STAU2: variants seen among roughly 807,000 people sequenced by gnomAD.
STAU2 encodes double-stranded RNA-binding protein Staufen homolog 2.
Under a neutral mutation model 65.9 loss-of-function variants are expected in STAU2, and 20 were observed. That is an observed-to-expected ratio of 0.30 (90% confidence interval 0.21 to 0.44). The LOEUF is 0.44. Among genes scored for constraint, STAU2 ranks in the 20% least tolerant of loss-of-function variants. The pLI is 1.00. For missense variants in STAU2, 558 were observed against 683.9 expected, an observed-to-expected ratio of 0.82 and a Z score of 2.05; for synonymous variants, 232 against 233.9, an observed-to-expected ratio of 0.99 and a Z score of 0.07.
chr8:73,648,566 T>C (rs1266233408), intron 6 of STAU2, among the ~76,000 whole-genome samples: 1 of 152,232 alleles, frequency 6.6e-6, no homozygotes, highest in Admixed American at 6.5e-5. Context: ...CTTATCTCCC[T>C]GAAGGTAACA....
rs532340497 is a variant in STAU2, at chr8:73,693,104, T to A, written c.115-4291A>T. Among the ~76,000 whole-genome samples the A allele has an allele frequency of 4.1e-4, 63 of 152,054 alleles. No individual in the cohort carries two copies. In the South Asian group the frequency reaches 7.1e-3, roughly 17 times the overall value. ...TGAGCCCAGGAGATGAACGCTGCAG[T>A]GAGCTATGACTGCACAACTGCACTC... On this transcript the variant is annotated intron_variant, in intron 4 of 14. Coordinates refer to ENST00000524300, the MANE Select transcript of STAU2 (RefSeq NM_001164380.2).
chr8:73,559,654 G>C (rs918923304), intron 12 of STAU2, among the ~76,000 whole-genome samples: 1 of 152,188 alleles, frequency 6.6e-6, no homozygotes, highest in Non-Finnish European at 1.5e-5. Flanking sequence ...CTGAAGGTCA[G>C]GGACAGGTGG....
rs73322826 is a variant in STAU2 at position 73,490,928 on chromosome 8, G to A, written c.1530+61084C>T. ...AAACATCCACTTCTGTTTTAAAGTC[G>A]TAAGTTCTTACATATTCAAAGTATG... is the stretch of plus-strand genomic sequence containing the variant. On this transcript the variant is annotated intron_variant, in intron 13 of 14. Transcript: ENST00000524300. Among the ~76,000 whole-genome samples the A allele has an allele frequency of 9.4e-3, 1,426 of 152,010 alleles. 23 individuals carry two copies. Among genetic ancestry groups the A allele is most frequent in the African/African-American group, 0.033 (1,353 of 41,508 alleles).
intron 6 of STAU2, among the ~76,000 whole-genome samples, chr8:73,665,591 C>T (rs866743177): frequency 6.6e-6 from 1 of 152,234 alleles, no homozygotes; most frequent in Middle Eastern, 3.4e-3. Context: ...AATTTAATGG[C>T]CTTGGAATAG....
intron 3 of STAU2, among the ~76,000 whole-genome samples, chr8:73,724,176 T>A (rs1324699167): frequency 2.0e-5 from 3 of 152,158 alleles, no homozygotes; most frequent in Non-Finnish European, 4.4e-5. Context: ...CTCTCAAGAA[T>A]CACTTGATTC....
At chr8:73,587,149 G>C (rs775639084) in intron 11 of STAU2, among the ~76,000 whole-genome samples, 3 of 152,116 alleles carry the variant, frequency 2.0e-5, no homozygotes, top group Non-Finnish European at 4.4e-5. Flanking sequence ...TAACAGCAAT[G>C]CTGGGAGGTA....
intron 12 of STAU2, among the ~76,000 whole-genome samples, chr8:73,558,148 A>G (rs1448106357): frequency 1.3e-5 from 2 of 152,218 alleles, no homozygotes; most frequent in Non-Finnish European, 2.9e-5. Flanking sequence ...TCCTAAAAGA[A>G]CAGGTAGGAA....
chr8:73,603,987 G>A lies in STAU2; in HGVS notation c.892-124C>T, dbSNP rs1811829663. ...AAAACTGTGACTAGAAAAGATAAAT[G>A]AGTCATTTATGAATATTTATAAAGG... On this transcript the variant is annotated intron_variant, in intron 9 of 14. Transcript: ENST00000524300. 7.9e-5 allele frequency: 83 copies of A among 1,049,402 alleles called. No homozygotes were observed. In the South Asian group the frequency reaches 1.6e-3, roughly 21 times the overall value. The allele number at this position is 1,049,402 out of a possible 1,614,324, so 65.0% of individuals were successfully genotyped here.
intron 6 of STAU2, chr8:73,651,502 C>T (rs947110725): frequency 4.7e-5 from 34 of 720,598 alleles, no homozygotes; most frequent in Middle Eastern, 3.9e-4. Flanking sequence ...AGTCACTGCA[C>T]GCACCCCTGG....
At chr8:73,525,803 GATAGAT>G (rs1414268503) in intron 13 of STAU2, among the ~76,000 whole-genome samples, 1 of 152,154 alleles carries the variant, frequency 6.6e-6, no homozygotes, top group Non-Finnish European at 1.5e-5. Flanking sequence ...TGGATACATA[GATAGAT>G]ATAAAGTTAG....
chr8:73,742,032 T>C (rs1806922150), intron 1 of STAU2, among the ~76,000 whole-genome samples: 1 of 152,224 alleles, frequency 6.6e-6, no homozygotes. Context: ...GCAAACCAGT[T>C]ATTTTAGATT....
intron 6 of STAU2, among the ~76,000 whole-genome samples, chr8:73,647,152 C>A (rs1355151196): frequency 1.3e-5 from 2 of 152,180 alleles, no homozygotes; most frequent in Non-Finnish European, 2.9e-5. Flanking sequence ...AGTTCAGCAA[C>A]TCTGGAAAAT....
intron 13 of STAU2, among the ~76,000 whole-genome samples, chr8:73,509,715 T>C (rs545121341): frequency 1.3e-5 from 2 of 152,004 alleles, no homozygotes; most frequent in African/African-American, 2.4e-5. Context: ...ATTTTCCTTA[T>C]GTGAAAAAAA....
intron 6 of STAU2, among the ~76,000 whole-genome samples, chr8:73,642,906 A>G (rs1322589017): frequency 1.3e-5 from 2 of 152,354 alleles, no homozygotes; most frequent in East Asian, 3.9e-4. Context: ...AAGTTGGAAC[A>G]GCAGGGAGCA....
At chr8:73,722,061 T>G (rs1489326500) in intron 3 of STAU2, among the ~76,000 whole-genome samples, 1 of 152,206 alleles carries the variant, frequency 6.6e-6, no homozygotes, top group African/African-American at 2.4e-5. Flanking sequence ...TAACTCTCTA[T>G]TTTGCTATTT....
chr8:73,714,323 C>T (rs912495553), intron 3 of STAU2, among the ~76,000 whole-genome samples: 1 of 152,194 alleles, frequency 6.6e-6, no homozygotes. Flanking sequence ...GCAAAGGACC[C>T]TTTCATGGGC....
chr8:73,496,605 G>A (rs911748116), intron 13 of STAU2, among the ~76,000 whole-genome samples: 1 of 151,604 alleles, frequency 6.6e-6, no homozygotes, highest in African/African-American at 2.4e-5. Flanking sequence ...TATAGTGCAG[G>A]CTACATATGT....
chr8:73,662,632 T>G (rs565297732), intron 6 of STAU2, among the ~76,000 whole-genome samples: 2 of 101,852 alleles, frequency 2.0e-5, no homozygotes, highest in African/African-American at 4.8e-5. Context: ...TGTTGTTGTT[T>G]TTGAGACAGA....
At chr8:73,474,565 T>C (rs1820214678) in intron 13 of STAU2, among the ~76,000 whole-genome samples, 1 of 151,986 alleles carries the variant, frequency 6.6e-6, no homozygotes, top group South Asian at 2.1e-4. Context: ...ATTGTTATGG[T>C]TGGGTGTCTC....
Sources: gnomAD v4.1 joint callset for allele counts (sites outside exome capture counted in the v4.1 genomes callset) on GRCh38, gnomAD v4.1.1 for gene constraint, MANE v1.5 for transcripts, NCBI Gene and HGNC (gene_info 2026-07-23, HGNC 2026-07-21) for gene names.